FBXW7: variants seen among roughly 807,000 people sequenced by gnomAD.
FBXW7 encodes the protein F-box and WD repeat domain containing 7, also known as F-box/WD repeat-containing protein 7.
A neutral mutation model predicts 86.3 loss-of-function variants in FBXW7; 11 were observed. That is an observed-to-expected ratio of 0.13 (90% CI 0.08 to 0.21). The LOEUF is 0.21. Among genes scored for constraint, FBXW7 ranks in the 10% least tolerant of loss-of-function variants. FBXW7 has a pLI of 1.00. For synonymous variants in FBXW7, 313 were observed against 297.9 expected (o/e 1.05, Z -0.52); for missense variants, 488 against 847.4 (o/e 0.58, Z 5.27).
At chr4:152,499,660 G>C (rs1437009016) in intron 2 of FBXW7, among the ~76,000 whole-genome samples, 1 of 151,908 alleles carries the variant, frequency 6.6e-6, no homozygotes, top group Non-Finnish European at 1.5e-5. Context: ...CTGCAAAAAG[G>C]GGGCAGCCTC....
intron 2 of FBXW7, among the ~76,000 whole-genome samples, chr4:152,488,588 C>T (rs1024537298): frequency 1.3e-5 from 2 of 151,998 alleles, no homozygotes; most frequent in African/African-American, 4.8e-5. Flanking sequence ...CTCTTACATG[C>T]CATTTACTTT....
chr4:152,413,015 T>C (rs1012007229), intron 2 of FBXW7, among the ~76,000 whole-genome samples: 1 of 152,106 alleles, frequency 6.6e-6, no homozygotes, highest in Admixed American at 6.6e-5. Context: ...TATATGGACA[T>C]CTTTGAAGTC....
intron 4 of FBXW7, among the ~76,000 whole-genome samples, chr4:152,390,668 C>G (rs549571748): frequency 1.3e-5 from 2 of 152,096 alleles, no homozygotes; most frequent in African/African-American, 2.4e-5. Flanking sequence ...AGTCCATAAA[C>G]AGTTTAAACA....
At chr4:152,509,579 C>CT (rs1747772659) in intron 2 of FBXW7, among the ~76,000 whole-genome samples, 1 of 151,852 alleles carries the variant, frequency 6.6e-6, no homozygotes, top group African/African-American at 2.4e-5. Flanking sequence ...TTGCTTCCTG[C>CT]TTTAAAAAAA....
At chr4:152,424,472 C>A (rs989423780) in intron 2 of FBXW7, among the ~76,000 whole-genome samples, 1 of 152,168 alleles carries the variant, frequency 6.6e-6, no homozygotes, top group African/African-American at 2.4e-5. Context: ...ACTTAAAACT[C>A]TCTTCATCTC....
In FBXW7 at chr4:152,322,571, G is replaced by A. The variant is rs1368408236; in HGVS notation, c.*310C>T. ...TTAACACTGCCCAATGACCACTGGAGAAGAAAATAAAGAAATAATTGCACC... is the reference window on the plus strand; with the variant it reads ...TTAACACTGCCCAATGACCACTGGAAAAGAAAATAAAGAAATAATTGCACC... On this transcript the variant is annotated 3_prime_UTR_variant, in exon 14 of 14. Transcript: ENST00000281708. 8.2e-6 allele frequency: 3 copies of A among 365,454 alleles called. No homozygotes were observed. Among genetic ancestry groups the A allele is most frequent in the African/African-American group, 6.0e-5 (3 of 49,672 alleles). The allele number at this position is 365,454 out of a possible 1,614,324, so 22.6% of individuals were successfully genotyped here.
chr4:152,429,508 A>C (rs1320792942), intron 2 of FBXW7, among the ~76,000 whole-genome samples: 1 of 152,096 alleles, frequency 6.6e-6, no homozygotes, highest in African/African-American at 2.4e-5. Flanking sequence ...AAAAAGAGAT[A>C]GTCATAATGG....
chr4:152,350,442 G>C (rs1282610013), intron 4 of FBXW7, among the ~76,000 whole-genome samples: 1 of 151,468 alleles, frequency 6.6e-6, no homozygotes, highest in Non-Finnish European at 1.5e-5. Context: ...AACCAACATA[G>C]GGAAAAATCT....
chr4:152,374,530 G>A (rs1734307130), intron 4 of FBXW7, among the ~76,000 whole-genome samples: 1 of 151,938 alleles, frequency 6.6e-6, no homozygotes, highest in Admixed American at 6.6e-5. Flanking sequence ...ATTCCTTAAG[G>A]ATTTTTCCAA....
intron 4 of FBXW7, among the ~76,000 whole-genome samples, chr4:152,410,006 T>G (rs905476034): frequency 1.4e-4 from 22 of 152,172 alleles, no homozygotes; most frequent in Admixed American, 5.2e-4. Flanking sequence ...ACTTGTGAAC[T>G]GGAAGGTTTC....
intron 9 of FBXW7, 145 bp from the exon 10 acceptor site, chr4:152,329,930 C>T: frequency 2.2e-6 from 1 of 448,464 alleles, no homozygotes; most frequent in Non-Finnish European, 3.9e-6. Flanking sequence ...CATTATTTTT[C>T]CTGGCTGACG....
chr4:152,470,746 C>G (rs1424682721), intron 2 of FBXW7, among the ~76,000 whole-genome samples: 1 of 152,092 alleles, frequency 6.6e-6, no homozygotes, highest in Non-Finnish European at 1.5e-5. Flanking sequence ...CTCTTCTTGT[C>G]TGCCAGGCAA....
chr4:152,408,691 T>C (rs1579118532), intron 4 of FBXW7, among the ~76,000 whole-genome samples: 1 of 152,190 alleles, frequency 6.6e-6, no homozygotes, highest in Non-Finnish European at 1.5e-5. Context: ...TCTGACTATG[T>C]TGGAAATCTT....
chr4:152,506,060 C>A (rs1320994291), intron 2 of FBXW7, among the ~76,000 whole-genome samples: 1 of 151,984 alleles, frequency 6.6e-6, no homozygotes, highest in Admixed American at 6.6e-5. Context: ...ACAGAAAGTG[C>A]AGTATTGTAA....
chr4:152,517,874 TGAA>T (rs1368858824), intron 2 of FBXW7, among the ~76,000 whole-genome samples: 1 of 152,258 alleles, frequency 6.6e-6, no homozygotes, highest in East Asian at 1.9e-4. Context: ...CTGAAAATCT[TGAA>T]GTACTTATCT....
intron 2 of FBXW7, among the ~76,000 whole-genome samples, chr4:152,413,995 T>C (rs1738216365): frequency 6.6e-6 from 1 of 152,254 alleles, no homozygotes; most frequent in Admixed American, 6.5e-5. Context: ...CTGCAACCAC[T>C]GAATTAACAA....
chr4:152,498,851 T>C (rs975887183), intron 2 of FBXW7, among the ~76,000 whole-genome samples: 5 of 152,108 alleles, frequency 3.3e-5, no homozygotes, highest in East Asian at 1.9e-4. Context: ...CAGCAAAGGA[T>C]TGCAGAGCTC....
intron 2 of FBXW7, among the ~76,000 whole-genome samples, chr4:152,485,104 T>A (rs1468907492): frequency 1.3e-5 from 2 of 151,992 alleles, no homozygotes; most frequent in African/African-American, 4.8e-5. Flanking sequence ...ACCAACATTC[T>A]AAATATCTAG....
chr4:152,419,362 T>C (rs1291692454), intron 2 of FBXW7, among the ~76,000 whole-genome samples: 1 of 152,024 alleles, frequency 6.6e-6, no homozygotes, highest in East Asian at 1.9e-4. Flanking sequence ...GGTTGAATTT[T>C]CCCCCAAGAA....
Sources: gnomAD v4.1 joint callset for allele counts (sites outside exome capture counted in the v4.1 genomes callset) on GRCh38, gnomAD v4.1.1 for gene constraint, MANE v1.5 for transcripts, NCBI Gene and HGNC (gene_info 2026-07-23, HGNC 2026-07-21) for gene names.